The following C17orf67 variants were observed in gnomAD, a reference collection of about 807,000 sequenced individuals.
C17orf67 encodes uncharacterized protein C17orf67.
C17orf67 carries 12 observed loss-of-function variants against 11.2 expected under a neutral mutation model. The observed-to-expected ratio is 1.07, with a 90% CI of 0.68 to 1.73. The LOEUF (loss-of-function observed/expected upper bound fraction) is 1.73, where lower values mean the gene tolerates loss of function less well. Among genes scored for constraint, C17orf67 ranks in the 40% most tolerant of loss-of-function variants. C17orf67 has a pLI of 0.00. For missense variants in C17orf67, 115 were observed against 113.5 expected (o/e 1.01, Z -0.06); for synonymous variants, 59 against 46.9 (o/e 1.26, Z -1.05).
At chr17:56,829,516 G>T (rs1480734741) in intron 2 of C17orf67, among the ~76,000 whole-genome samples, 2 of 152,136 alleles carry the variant, frequency 1.3e-5, no homozygotes, top group African/African-American at 4.8e-5. Flanking sequence ...TTCCCCAGGA[G>T]GGCTTGGGTC....
chr17:56,796,973 G>A (rs1401470197), intron 6 of C17orf67, among the ~76,000 whole-genome samples: 4 of 152,120 alleles, frequency 2.6e-5, no homozygotes, highest in Non-Finnish European at 5.9e-5. Context: ...TTTTGTCTGT[G>A]GCTCTGGATA....
chr17:56,793,385 C>A (rs943804931), intron 7 of C17orf67, among the ~76,000 whole-genome samples: 1 of 152,094 alleles, frequency 6.6e-6, no homozygotes, highest in African/African-American at 2.4e-5. Flanking sequence ...TGGAGTGAGG[C>A]CTCTGAGGAA....
At chr17:56,798,994 G>C (rs529587075) in intron 6 of C17orf67, among the ~76,000 whole-genome samples, 1 of 152,142 alleles carries the variant, frequency 6.6e-6, no homozygotes, top group Non-Finnish European at 1.5e-5. Flanking sequence ...AAGGTGCCAG[G>C]CTCTTTGCAG....
At chr17:56,815,005 G>A (rs1010001017) in intron 5 of C17orf67, 36 bp from the exon 6 acceptor site, 1 of 1,552,392 alleles carries the variant, frequency 6.4e-7, no homozygotes, top group Non-Finnish European at 8.9e-7. Flanking sequence ...AGGACACTCA[G>A]GCTCAGGAGT....
At chr17:56,823,107 G>A (rs1004341264) in intron 4 of C17orf67, among the ~76,000 whole-genome samples, 7 of 152,206 alleles carry the variant, frequency 4.6e-5, no homozygotes, top group Non-Finnish European at 1.5e-5. Context: ...AACATACTAG[G>A]GGAGTGAACC....
chr17:56,795,976 G>A (rs1905206667), intron 6 of C17orf67, among the ~76,000 whole-genome samples: 1 of 152,214 alleles, frequency 6.6e-6, no homozygotes, highest in African/African-American at 2.4e-5. Context: ...ATTACTTATG[G>A]CTATATGCAT....
chr17:56,825,978 G>A (rs538464730), intron 2 of C17orf67, among the ~76,000 whole-genome samples: 3 of 149,278 alleles, frequency 2.0e-5, no homozygotes, highest in Admixed American at 6.7e-5. Flanking sequence ...TGTGTGTGAC[G>A]GAGTCTCGCT....
chr17:56,793,343 G>A (rs1408055151), intron 7 of C17orf67, among the ~76,000 whole-genome samples: 3 of 152,050 alleles, frequency 2.0e-5, no homozygotes, highest in South Asian at 2.1e-4. Flanking sequence ...TCCAGCCACC[G>A]CTTCCTTGTC....
intron 7 of C17orf67, 25 bp downstream of exon 7, chr17:56,795,019 G>A (rs1371351352): frequency 6.6e-7 from 1 of 1,520,188 alleles, no homozygotes; most frequent in Non-Finnish European, 9.1e-7. Context: ...TCAGACAGAG[G>A]TCCGGGAGAG....
chr17:56,811,209 T>C (rs556613442), intron 6 of C17orf67, among the ~76,000 whole-genome samples: 1 of 152,308 alleles, frequency 6.6e-6, no homozygotes, highest in East Asian at 1.9e-4. Flanking sequence ...AATTAGACAT[T>C]CTGGAATCTA....
At chr17:56,799,683 A>G (rs1294105704) in intron 6 of C17orf67, among the ~76,000 whole-genome samples, 4 of 152,214 alleles carry the variant, frequency 2.6e-5, no homozygotes, top group Non-Finnish European at 5.9e-5. Flanking sequence ...ACCATTTTGC[A>G]TTTCCACCAG....
intron 6 of C17orf67, among the ~76,000 whole-genome samples, chr17:56,797,174 T>G (rs1392713728): frequency 6.6e-6 from 1 of 152,190 alleles, no homozygotes; most frequent in Non-Finnish European, 1.5e-5. Context: ...GAGACTTTAA[T>G]GAAGGGAACA....
chr17:56,815,203 T>C (rs2144135308), intron 5 of C17orf67, among the ~76,000 whole-genome samples: 1 of 152,342 alleles, frequency 6.6e-6, no homozygotes, highest in South Asian at 2.1e-4. Context: ...TATTTACTGA[T>C]TGCAATGGTC....
At chr17:56,822,354 A>C (rs1444079612) in intron 4 of C17orf67, among the ~76,000 whole-genome samples, 2 of 152,178 alleles carry the variant, frequency 1.3e-5, no homozygotes, top group Non-Finnish European at 2.9e-5. Flanking sequence ...AATGGTTATG[A>C]CTGTGGGCAG....
intron 6 of C17orf67, among the ~76,000 whole-genome samples, chr17:56,798,705 T>C (rs1249022379): frequency 9.9e-5 from 15 of 151,970 alleles, no homozygotes; most frequent in Admixed American, 9.8e-4. Context: ...TGGTGGTGCA[T>C]GCCTGTAGTC....
chr17:56,817,924 G>A (rs944042476), intron 4 of C17orf67, among the ~76,000 whole-genome samples: 1 of 151,004 alleles, frequency 6.6e-6, no homozygotes, highest in Non-Finnish European at 1.5e-5. Context: ...GCTCAGTACA[G>A]CCTCAACCTC....
At chr17:56,809,505 C>T (rs1034570245) in intron 6 of C17orf67, among the ~76,000 whole-genome samples, 3 of 151,356 alleles carry the variant, frequency 2.0e-5, no homozygotes, top group Admixed American at 2.0e-4. Flanking sequence ...CACGAACCCT[C>T]ACACACCCCT....
rs1906272919 is a variant in C17orf67, at chr17:56,833,022, T to C, written c.-681A>G. On this transcript the variant is annotated 5_prime_UTR_variant, in exon 2 of 8. Transcript: ENST00000397861. The stretch of plus-strand genomic sequence containing the variant: ...TCTCTGCGTTTCTTTTCTGTTCCTT[T>C]GGTCCCTTGCTTCGGTGTGTGTTTT... 1 of 152,300 alleles carries C rather than the reference T, an allele frequency of 6.6e-6. No individual in the cohort carries two copies. Among genetic ancestry groups the C allele is most frequent in the Non-Finnish European group, 1.5e-5 (1 of 68,068 alleles). 9.4% of individuals were successfully genotyped at this position (152,300 alleles called of 1,614,324 possible).
chr17:56,801,798 T>G lies in C17orf67; in HGVS notation c.157-6618A>C, dbSNP rs376278368. ...AATTGGGAGGAACAGGAAGGCCGTG[T>G]GCAGTCTTGTAAATAAGGAACAACA... On this transcript the variant is annotated intron_variant, in intron 6 of 7. Transcript: ENST00000397861. 7.2e-5 allele frequency among the ~76,000 whole-genome samples: 11 copies of G among 152,340 alleles called. No individual in the cohort carries two copies. In the South Asian group the frequency reaches 1.4e-3, roughly 20 times the overall value.
Sources: gnomAD v4.1 joint callset for allele counts (sites outside exome capture counted in the v4.1 genomes callset) on GRCh38, gnomAD v4.1.1 for gene constraint, MANE v1.5 for transcripts, NCBI Gene and HGNC (gene_info 2026-07-23, HGNC 2026-07-21) for gene names.